Variants in IGSF10 observed in about 807,000 individuals in gnomAD.
IGSF10 encodes immunoglobulin superfamily member 10, also known as calvaria mechanical force protein 608.
In IGSF10, 126 loss-of-function variants were observed where a neutral mutation model predicts 128.2. The observed-to-expected ratio is 0.98, with a 90% CI of 0.85 to 1.14. IGSF10 has a LOEUF of 1.14. IGSF10 is among the 50% of genes most tolerant of loss of function. IGSF10 has a pLI of 0.00. For synonymous variants in IGSF10, 1,185 were observed against 1,146.2 expected (o/e 1.03, Z -0.68); for missense variants, 3,295 against 3,149.8 (o/e 1.05, Z -1.10).
the IGSF10 span, among the ~76,000 whole-genome samples, chr3:151,568,672 T>C: frequency 2.0e-5 from 3 of 152,148 alleles, no homozygotes; most frequent in Non-Finnish European, 4.4e-5. Flanking sequence ...AGTTTTAGTA[T>C]AGCAACACTA....
chr3:151,445,690 TC>T lies in IGSF10; in HGVS notation c.4290del (p.Thr1431LeufsTer2). 6.2e-7 allele frequency: 1 copy of T among 1,614,226 alleles called. No homozygotes were observed. Among genetic ancestry groups the T allele is most frequent in the Non-Finnish European group, 8.5e-7 (1 of 1,180,038 alleles). Reference sequence around the variant, plus strand: ...TCAGAAGCAATTGTGCTCTTCAAAGTCTGAGTACTTGCTTGGGCTAGTTCTT... The same window carrying T: ...TCAGAAGCAATTGTGCTCTTCAAAGTTGAGTACTTGCTTGGGCTAGTTCTT... ...VIEELAQAST[Q>X]TLKSTIASET... On this transcript the variant is annotated frameshift_variant, in exon 6 of 8. Transcript: ENST00000282466. LOFTEE classifies it high-confidence loss of function.
chr3:151,527,956 G>GAA, the IGSF10 span, among the ~76,000 whole-genome samples: 2 of 151,654 alleles, frequency 1.3e-5, no homozygotes, highest in African/African-American at 4.9e-5. Context: ...CTGTCTTGAA[G>GAA]AAAAAAATTG....
chr3:151,436,674 CTTTA>C lies in IGSF10; in HGVS notation c.*11_*14del. On this transcript the variant is annotated 3_prime_UTR_variant, in exon 8 of 8. Coordinates refer to ENST00000282466, the MANE Select transcript of IGSF10 (RefSeq NM_178822.5). ...ATAAATTCTGCCCAGATGTTGTTGA[CTTTA>C]TTATTTCATGTCAGATTACTTGAAT... 6.5e-7 allele frequency: 1 copy of C among 1,546,072 alleles called. No homozygotes were observed. Among genetic ancestry groups the C allele is most frequent in the Non-Finnish European group, 8.8e-7 (1 of 1,140,854 alleles).
the IGSF10 span, among the ~76,000 whole-genome samples, chr3:151,505,213 G>A: frequency 1.3e-4 from 20 of 152,284 alleles, no homozygotes; most frequent in Admixed American, 3.9e-4. Flanking sequence ...CTGCATGGCC[G>A]GGGAGGCCTC....
At chr3:151,515,097 A>G in the IGSF10 span, among the ~76,000 whole-genome samples, 1 of 152,154 alleles carries the variant, frequency 6.6e-6, no homozygotes. Flanking sequence ...ATACCATTTG[A>G]CCCAGCCATC....
At chr3:151,532,517 T>C in the IGSF10 span, among the ~76,000 whole-genome samples, 1 of 151,882 alleles carries the variant, frequency 6.6e-6, no homozygotes, top group Non-Finnish European at 1.5e-5. Flanking sequence ...GCAAGGCTAG[T>C]TCAACATACC....
the IGSF10 span, among the ~76,000 whole-genome samples, chr3:151,468,547 C>G: frequency 2.6e-5 from 4 of 152,220 alleles, no homozygotes; most frequent in South Asian, 8.3e-4. Flanking sequence ...ACGGGGCTCC[C>G]AGGGATTCTC....
chr3:151,506,215 A>G, the IGSF10 span, among the ~76,000 whole-genome samples: 2 of 152,174 alleles, frequency 1.3e-5, no homozygotes, highest in African/African-American at 4.8e-5. Context: ...GGCCTCCCAA[A>G]GTGCTGGGAT....
rs1247891678 is a variant in IGSF10, at chr3:151,448,990, C to T, written c.991G>A (p.Val331Ile). 1.2e-6 allele frequency: 2 copies of T among 1,614,082 alleles called. No homozygotes were observed. The highest frequency in any genetic ancestry group is 2.7e-5 in the African/African-American group (2 of 74,924). Reference sequence around the variant, plus strand: ...CTTGAGGGCTTTTGAATACTGCAGACCATGTTAGCTTCATTTCCAGACTGA... The same window carrying T: ...CTTGAGGGCTTTTGAATACTGCAGATCATGTTAGCTTCATTTCCAGACTGA... ...TDQSGNEANM[V>I]CSIQKPSRTS... The change falls in exon 6 of 8, where the codon GTC (valine) becomes ATC (isoleucine). Residue 331 changes from valine (V) to isoleucine (I), a missense_variant. Val to Ile is a conservative substitution (Grantham distance 29, BLOSUM62 3). Transcript: ENST00000282466.
At chr3:151,510,249 C>T in the IGSF10 span, among the ~76,000 whole-genome samples, 3 of 152,214 alleles carry the variant, frequency 2.0e-5, no homozygotes, top group South Asian at 6.2e-4. Flanking sequence ...TGACACCTCA[C>T]ACGGCCGGGT....
chr3:151,443,768 T>A lies in IGSF10; in HGVS notation c.5179A>T (p.Asn1727Tyr). ...DRGQYLCSAS[N>Y]LFGTDHLHVT... ...TGAAGGTGGTCTGTGCCAAACAGATTGGATGCGGAACACAAGTACTGTCCG... is the reference window on the plus strand; with the variant it reads ...TGAAGGTGGTCTGTGCCAAACAGATAGGATGCGGAACACAAGTACTGTCCG... Residue 1727 changes from asparagine (N) to tyrosine (Y), a missense_variant, in exon 7 of 8, where the codon AAT becomes TAT. By Grantham distance (143) the Asn-to-Tyr change is moderately radical (BLOSUM62 -2). Coordinates refer to ENST00000282466, the MANE Select transcript of IGSF10 (RefSeq NM_178822.5). 1 of 1,614,148 alleles carries A rather than the reference T, an allele frequency of 6.2e-7. No individual in the cohort carries two copies. The highest frequency in any genetic ancestry group is 8.5e-7 in the Non-Finnish European group (1 of 1,180,030).
chr3:151,576,041 T>C, the IGSF10 span, among the ~76,000 whole-genome samples: 1 of 152,166 alleles, frequency 6.6e-6, no homozygotes, highest in South Asian at 2.1e-4. Context: ...TGACATCTTT[T>C]CTAATTTTTC....
At chr3:151,516,125 T>C in the IGSF10 span, among the ~76,000 whole-genome samples, 5 of 151,984 alleles carry the variant, frequency 3.3e-5, no homozygotes, top group Non-Finnish European at 5.9e-5. Flanking sequence ...CTGTCCACGC[T>C]ACAGCAGAAC....
the IGSF10 span, among the ~76,000 whole-genome samples, chr3:151,576,701 T>C: frequency 6.6e-6 from 1 of 152,166 alleles, no homozygotes; most frequent in Non-Finnish European, 1.5e-5. Context: ...TTATAATATA[T>C]TAGCATACTA....
chr3:151,612,462 A>C, the IGSF10 span, among the ~76,000 whole-genome samples: 1 of 152,186 alleles, frequency 6.6e-6, no homozygotes, highest in East Asian at 1.9e-4. Context: ...CTTTAATAGC[A>C]AAAGGTCAGA....
chr3:151,457,078 T>A lies in IGSF10; in HGVS notation c.272A>T (p.Asn91Ile), dbSNP rs766366919. 6.8e-6 allele frequency: 11 copies of A among 1,614,202 alleles called. No homozygotes were observed. The highest frequency in any genetic ancestry group is 1.3e-5 in the African/African-American group (1 of 75,056). The change falls in exon 4 of 8, where the codon AAT becomes ATT. Residue 91 changes from asparagine (N) to isoleucine (I), a missense_variant. By Grantham distance (149) the Asn-to-Ile change is moderately radical. Transcript: ENST00000282466. ...TKLELLMLHS[N>I]GIHTIPDKTF... ...CTTGTCAGGGATTGTGTGAATGCCA[T>A]TGCTGTGAAGCATGAGTAACTCCAG...
chr3:151,523,267 A>G, the IGSF10 span, among the ~76,000 whole-genome samples: 1 of 152,340 alleles, frequency 6.6e-6, no homozygotes, highest in African/African-American at 2.4e-5. Context: ...GTTCAATGCT[A>G]TTCCTATCAA....
chr3:151,471,371 C>A, the IGSF10 span, among the ~76,000 whole-genome samples: 1 of 151,960 alleles, frequency 6.6e-6, no homozygotes, highest in Non-Finnish European at 1.5e-5. Context: ...ATTTCTAAGA[C>A]ACTCCACTGG....
At chr3:151,464,041 A>T (rs1722189662), upstream of IGSF10, among the ~76,000 whole-genome samples, 1 of 152,152 alleles carries the variant, frequency 6.6e-6, no homozygotes, top group African/African-American at 2.4e-5. Context: ...AATGATAATG[A>T]CTTTATTTTG....
Sources: gnomAD v4.1 joint callset for allele counts (sites outside exome capture counted in the v4.1 genomes callset) on GRCh38, gnomAD v4.1.1 for gene constraint, MANE v1.5 for transcripts, NCBI Gene and HGNC (gene_info 2026-07-23, HGNC 2026-07-21) for gene names.